SIPA1L1: variants seen among roughly 807,000 people sequenced by gnomAD.
The protein encoded by SIPA1L1 is signal induced proliferation associated 1 like 1, also known as signal-induced proliferation-associated 1-like protein 1.
In SIPA1L1, 26 loss-of-function variants were observed where a neutral mutation model predicts 162.7. That is an observed-to-expected ratio of 0.16 (90% CI 0.12 to 0.22). The LOEUF (loss-of-function observed/expected upper bound fraction) is 0.22, where lower values mean the gene tolerates loss of function less well. Ranked by LOEUF, SIPA1L1 falls within the 10% of genes least tolerant of loss-of-function variation. SIPA1L1 has a pLI of 1.00. For missense variants in SIPA1L1, 1,874 were observed against 2,241.0 expected (o/e 0.84, Z 3.31); for synonymous variants, 829 against 837.4 (o/e 0.99, Z 0.17).
At chr14:71,704,974 G>A in intron 15 of SIPA1L1, 1 of 621,424 alleles carries the variant, frequency 1.6e-6, no homozygotes, top group South Asian at 2.0e-5. Flanking sequence ...ATGGCCTTTG[G>A]TTTGGTGGTA....
intron 2 of SIPA1L1, among the ~76,000 whole-genome samples, chr14:71,328,670 C>T (rs549821293): frequency 1.3e-5 from 2 of 152,248 alleles, no homozygotes; most frequent in Middle Eastern, 6.8e-3. Flanking sequence ...GGAATAACTC[C>T]TCAAATGACT....
intron 4 of SIPA1L1, among the ~76,000 whole-genome samples, chr14:71,572,247 C>G (rs1439817732): frequency 1.3e-5 from 2 of 152,240 alleles, no homozygotes; most frequent in African/African-American, 4.8e-5. Flanking sequence ...GGCCTCTCCT[C>G]TCAATACTGC....
At chr14:71,463,379 C>T (rs1480229338) in intron 2 of SIPA1L1, among the ~76,000 whole-genome samples, 3 of 152,138 alleles carry the variant, frequency 2.0e-5, no homozygotes, top group South Asian at 2.1e-4. Context: ...CACTGTAAGT[C>T]GCACCTGAGC....
chr14:71,413,027 T>G (rs932061553), intron 2 of SIPA1L1, among the ~76,000 whole-genome samples: 2 of 152,232 alleles, frequency 1.3e-5, no homozygotes, highest in South Asian at 2.1e-4. Flanking sequence ...ACAGGGTTTC[T>G]AAACCTCACC....
At chr14:71,639,812 A>G (rs1285932352) in intron 7 of SIPA1L1, among the ~76,000 whole-genome samples, 1 of 152,246 alleles carries the variant, frequency 6.6e-6, no homozygotes, top group Non-Finnish European at 1.5e-5. Flanking sequence ...GTGTAAAAGT[A>G]ATTCAGTGGA....
intron 2 of SIPA1L1, among the ~76,000 whole-genome samples, chr14:71,347,449 C>T (rs2036283165): frequency 6.6e-6 from 1 of 152,114 alleles, no homozygotes; most frequent in African/African-American, 2.4e-5. Flanking sequence ...AATAATGTTG[C>T]TTTGCAGGTG....
At chr14:71,551,189 G>A (rs112651995) in intron 4 of SIPA1L1, among the ~76,000 whole-genome samples, 2 of 152,082 alleles carry the variant, frequency 1.3e-5, no homozygotes, top group South Asian at 2.1e-4. Context: ...TGGGAGGATC[G>A]TTTGATCCCA....
At chr14:71,531,275 G>T (rs1595930153) in intron 4 of SIPA1L1, among the ~76,000 whole-genome samples, 1 of 151,168 alleles carries the variant, frequency 6.6e-6, no homozygotes, top group Non-Finnish European at 1.5e-5. Flanking sequence ...GTGAGAATTC[G>T]CCATTATGCC....
chr14:71,451,632 C>CAAAAAAAAAAAAA (rs762968378), intron 2 of SIPA1L1, among the ~76,000 whole-genome samples: 1 of 54,392 alleles, frequency 1.8e-5, no homozygotes, highest in African/African-American at 6.8e-5. Flanking sequence ...GACCTTGTCT[C>CAAAAAAAAAAAAA]AAAAAAAAAA....
chr14:71,470,419 A>C lies in SIPA1L1; in HGVS notation c.-464-42324A>C, dbSNP rs539772473. Among the ~76,000 whole-genome samples the C allele has an allele frequency of 2.0e-5, 3 of 152,332 alleles. No homozygotes were observed. The East Asian group carries it at 5.8e-4, about 29-fold the overall frequency. On this transcript the variant is annotated intron_variant, in intron 2 of 23. Transcript: ENST00000381232. ...CACTTCAGCAGCGCCCAAACTTTTT[A>C]AGTGACTGTGTAACTGGGGGCATTG... is the stretch of plus-strand genomic sequence containing the variant.
chr14:71,373,718 T>A (rs1013467700), intron 2 of SIPA1L1, among the ~76,000 whole-genome samples: 1 of 152,078 alleles, frequency 6.6e-6, no homozygotes, highest in African/African-American at 2.4e-5. Flanking sequence ...AAATTTTATA[T>A]TTTTTCTCCT....
chr14:71,389,591 G>A (rs187688429), intron 2 of SIPA1L1, among the ~76,000 whole-genome samples: 1 of 152,146 alleles, frequency 6.6e-6, no homozygotes, highest in African/African-American at 2.4e-5. Flanking sequence ...TCCCATTTCA[G>A]ATTTCCTGTA....
intron 2 of SIPA1L1, among the ~76,000 whole-genome samples, chr14:71,340,188 A>G (rs2035502145): frequency 6.6e-6 from 1 of 152,180 alleles, no homozygotes; most frequent in Admixed American, 6.5e-5. Flanking sequence ...AGTTTTAAGC[A>G]TGGTATATGG....
Position 71,644,231 on chromosome 14 carries a change from CT to C in SIPA1L1, c.1819-6099del, listed in dbSNP as rs970551448. 4.8e-4 allele frequency among the ~76,000 whole-genome samples: 72 copies of C among 150,762 alleles called. 7 individuals carry two copies. On this transcript the variant is annotated intron_variant, in intron 7 of 23. Coordinates refer to ENST00000381232, the MANE Select transcript of SIPA1L1 (RefSeq NM_001386936.1). ...GCACTTTGAATGAATCTTTCTTTTC[CT>C]TTTTCTTTAATTTTTTTTGAGACAG...
intron 5 of SIPA1L1, among the ~76,000 whole-genome samples, chr14:71,603,029 G>T (rs2036975253): frequency 6.6e-6 from 1 of 152,258 alleles, no homozygotes; most frequent in African/African-American, 2.4e-5. Context: ...ATGTATCTGG[G>T]TGCTCTGGTG....
At chr14:71,596,776 T>C (rs2036085693) in intron 5 of SIPA1L1, among the ~76,000 whole-genome samples, 2 of 152,282 alleles carry the variant, frequency 1.3e-5, no homozygotes, top group South Asian at 4.1e-4. Flanking sequence ...TTGTTGGAAC[T>C]CTGTTTTGAT....
chr14:71,486,999 G>A (rs1429026425), intron 2 of SIPA1L1, among the ~76,000 whole-genome samples: 7 of 152,120 alleles, frequency 4.6e-5, no homozygotes, highest in Admixed American at 4.6e-4. Flanking sequence ...TCCCTAGCAT[G>A]TTAAGAACTG....
chr14:71,405,779 C>T (rs1185216367), intron 2 of SIPA1L1, among the ~76,000 whole-genome samples: 1 of 152,174 alleles, frequency 6.6e-6, no homozygotes. Context: ...TTATCTCTGA[C>T]CCTGGCATCT....
At chr14:71,706,025 G>A (rs950239451) in intron 16 of SIPA1L1, among the ~76,000 whole-genome samples, 40 of 151,802 alleles carry the variant, frequency 2.6e-4, no homozygotes, top group Admixed American at 4.6e-4. Context: ...TTATATTCAC[G>A]TCATTCTATA....
Sources: allele counts gnomAD v4.1 joint callset (sites outside exome capture counted in the v4.1 genomes callset), GRCh38; gene constraint gnomAD v4.1.1; transcripts MANE v1.5; gene names NCBI Gene and HGNC (gene_info 2026-07-23, HGNC 2026-07-21).